The following ITPR2 variants were observed in gnomAD, a reference collection of about 807,000 sequenced individuals.
ITPR2 encodes the protein inositol 1,4,5-trisphosphate receptor type 2, also known as inositol 1,4,5-trisphosphate-gated calcium channel ITPR2.
ITPR2 carries 207 observed loss-of-function variants against 317.1 expected under a neutral mutation model. The ratio of observed to expected loss-of-function variants is 0.65; its 90% CI spans 0.58 to 0.73. The LOEUF (loss-of-function observed/expected upper bound fraction) is 0.73. ITPR2 is among the 30% of genes least tolerant of loss of function. ITPR2 has a pLI of 0.00. For synonymous variants in ITPR2, 1,156 were observed against 1,149.1 expected (o/e 1.01, Z -0.12); for missense variants, 2,613 against 3,284.0 (o/e 0.80, Z 4.99).
intron 2 of ITPR2, among the ~76,000 whole-genome samples, chr12:26,740,442 G>A (rs1412349727): frequency 4.6e-5 from 7 of 152,118 alleles, no homozygotes; most frequent in East Asian, 1.9e-4. Context: ...AGGGAAATAC[G>A]CTATAAAAGC....
intron 1 of ITPR2, among the ~76,000 whole-genome samples, chr12:26,828,394 T>C (rs1592165242): frequency 1.3e-5 from 2 of 152,218 alleles, no homozygotes; most frequent in East Asian, 3.8e-4. Context: ...CTAGATAAGA[T>C]TTCACGTGGC....
At chr12:26,832,657 G>A (rs1472802950) in intron 1 of ITPR2, 33 bp downstream of exon 1, 2 of 1,500,744 alleles carry the variant, frequency 1.3e-6, no homozygotes, top group East Asian at 2.5e-5. Context: ...GACCCGGAGC[G>A]CGAGCGCTGC....
chr12:26,813,499 T>C (rs928502735), intron 1 of ITPR2, among the ~76,000 whole-genome samples: 1 of 152,218 alleles, frequency 6.6e-6, no homozygotes, highest in African/African-American at 2.4e-5. Flanking sequence ...CTGAATAATG[T>C]GCTTATTTGG....
chr12:26,396,433 T>G (rs1940000041), intron 54 of ITPR2, among the ~76,000 whole-genome samples: 1 of 152,138 alleles, frequency 6.6e-6, no homozygotes, highest in South Asian at 2.1e-4. Context: ...TGGGCAGAGT[T>G]GATAACGAAT....
intron 55 of ITPR2, among the ~76,000 whole-genome samples, chr12:26,377,660 T>C (rs1939383777): frequency 6.6e-6 from 1 of 152,226 alleles, no homozygotes; most frequent in Non-Finnish European, 1.5e-5. Flanking sequence ...GAAGAAGGCA[T>C]AGCTAAAGGT....
At chr12:26,378,222 A>G (rs1939401894) in intron 55 of ITPR2, among the ~76,000 whole-genome samples, 1 of 152,036 alleles carries the variant, frequency 6.6e-6, no homozygotes, top group Admixed American at 6.6e-5. Flanking sequence ...TAAAGGAAAT[A>G]AAGGGTGGTG....
rs747830192 is a variant in ITPR2 at position 26,415,313 on chromosome 12, A to G, written c.7296T>C (p.Thr2432=). 1 of 1,601,544 alleles carries G rather than the reference A, an allele frequency of 6.2e-7. No homozygotes were observed. The highest frequency in any genetic ancestry group is 8.5e-7 in the Non-Finnish European group (1 of 1,174,378). The change falls in exon 51 of 57, where the codon ACT becomes ACC. Residue 2432 remains threonine, a synonymous_variant. Transcript: ENST00000381340. ...TMEVDRLKNR[T]PVTGSHQVPT... is the part of the protein sequence containing the mutation. ...TGGTAATAGCAATACCTGTAACAGG[A>G]GTTCGGTTTTTCAGCCTATCAACTT...
At chr12:26,776,575 A>C (rs1949974735) in intron 2 of ITPR2, among the ~76,000 whole-genome samples, 1 of 152,242 alleles carries the variant, frequency 6.6e-6, no homozygotes, top group Non-Finnish European at 1.5e-5. Context: ...GGACCCTGCA[A>C]CTAGGAATGG....
rs891338067 is a variant in ITPR2, at chr12:26,578,979, C to T, written c.4510-146G>A. ...AGTGCTAGTTAATAAATATCTCATT[C>T]ATGAAACATTTATTAGATACTCTCT... is the stretch of plus-strand genomic sequence containing the variant. On this transcript the variant is annotated intron_variant, in intron 33 of 56. Transcript: ENST00000381340. The T allele has an allele frequency of 1.4e-5, 10 of 717,028 alleles. No homozygotes were observed. The South Asian group carries it at 2.8e-4, about 20-fold the overall frequency. The allele number at this position is 717,028 out of a possible 1,614,324, so 44.4% of individuals were successfully genotyped here.
chr12:26,489,432 T>C (rs548686454), intron 39 of ITPR2, among the ~76,000 whole-genome samples: 1 of 152,210 alleles, frequency 6.6e-6, no homozygotes, highest in Non-Finnish European at 1.5e-5. Flanking sequence ...AGATGCTTAT[T>C]GCATCTAAGA....
intron 13 of ITPR2, among the ~76,000 whole-genome samples, chr12:26,667,313 A>G (rs973124191): frequency 1.3e-5 from 2 of 152,196 alleles, no homozygotes; most frequent in Non-Finnish European, 1.5e-5. Context: ...AGCCAAGTGG[A>G]CACACCTAGA....
chr12:26,543,819 C>T (rs1438260396), intron 37 of ITPR2, among the ~76,000 whole-genome samples: 1 of 151,980 alleles, frequency 6.6e-6, no homozygotes, highest in Admixed American at 6.5e-5. Context: ...AGCATTCCTT[C>T]TCTTCTCTTT....
intron 55 of ITPR2, among the ~76,000 whole-genome samples, chr12:26,354,083 G>T: frequency 6.6e-6 from 1 of 151,904 alleles, no homozygotes; most frequent in African/African-American, 2.4e-5. Flanking sequence ...AGACCAGCCC[G>T]GCCAACATGG....
At chr12:26,462,850 T>G (rs1045745304) in intron 45 of ITPR2, among the ~76,000 whole-genome samples, 1 of 148,580 alleles carries the variant, frequency 6.7e-6, no homozygotes, top group African/African-American at 2.5e-5. Context: ...TTTTGTATAT[T>G]TAGTAGAGAT....
intron 2 of ITPR2, among the ~76,000 whole-genome samples, chr12:26,783,406 AGGAAAT>A (rs531140800): frequency 5.6e-4 from 85 of 152,292 alleles, no homozygotes; most frequent in Admixed American, 1.2e-3. Context: ...TCCACCCTCC[AGGAAAT>A]GGTCCCTGGG....
At chr12:26,638,139 A>C (rs537531600) in intron 21 of ITPR2, among the ~76,000 whole-genome samples, 1 of 152,250 alleles carries the variant, frequency 6.6e-6, no homozygotes, top group Non-Finnish European at 1.5e-5. Flanking sequence ...AAAGCAATTC[A>C]TATAAAATAG....
chr12:26,481,282 A>G, intron 42 of ITPR2, 41 bp from the exon 43 acceptor site: 1 of 1,125,650 alleles, frequency 8.9e-7, no homozygotes, highest in Non-Finnish European at 1.3e-6. Flanking sequence ...TTTATTCACA[A>G]CAGAATAGCA....
At chr12:26,786,505 G>A (rs77814559) in intron 2 of ITPR2, among the ~76,000 whole-genome samples, 5,358 of 147,614 alleles carry the variant, frequency 0.036, 313 homozygotes, top group African/African-American at 0.13. Context: ...AATTTTATTC[G>A]CATAAGAAAA....
chr12:26,551,559 G>T lies in ITPR2; in HGVS notation c.4965-1204C>A, dbSNP rs114870058. On this transcript the variant is annotated intron_variant, in intron 36 of 56. Coordinates refer to ENST00000381340, the MANE Select transcript of ITPR2 (RefSeq NM_002223.4). The stretch of plus-strand genomic sequence containing the variant: ...CCCCACACATGCTAGGCTGCACACA[G>T]CCCCCTGAATGAGCAAGTGCCACAA... Among the ~76,000 whole-genome samples, 937 of 152,344 alleles carry T rather than the reference G, an allele frequency of 6.2e-3. 9 individuals are homozygous for T. The highest frequency in any genetic ancestry group is 0.021 in the African/African-American group (886 of 41,576).
Sources: gnomAD v4.1 joint callset for allele counts (sites outside exome capture counted in the v4.1 genomes callset) on GRCh38, gnomAD v4.1.1 for gene constraint, MANE v1.5 for transcripts, NCBI Gene and HGNC (gene_info 2026-07-23, HGNC 2026-07-21) for gene names.